DLGAP1: variants seen among roughly 807,000 people sequenced by gnomAD.
DLGAP1 encodes the protein disks large-associated protein 1.
Under a neutral mutation model 90.8 loss-of-function variants are expected in DLGAP1, and 11 were observed. That is an observed-to-expected ratio of 0.12 (90% CI 0.08 to 0.20). The LOEUF (loss-of-function observed/expected upper bound fraction) is 0.20, where lower values mean the gene tolerates loss of function less well. Among genes scored for constraint, DLGAP1 ranks in the 10% least tolerant of loss-of-function variants. The probability of loss-of-function intolerance (pLI) is 1.00; values close to 1 mark genes in which losing one functional copy is unlikely to be tolerated. For missense variants in DLGAP1, 1,050 were observed against 1,333.8 expected (o/e 0.79, Z 3.31); for synonymous variants, 558 against 540.7 (o/e 1.03, Z -0.44).
intron 1 of DLGAP1, among the ~76,000 whole-genome samples, chr18:4,423,770 A>G (rs2083090569): frequency 6.6e-6 from 1 of 151,210 alleles, no homozygotes; most frequent in Non-Finnish European, 1.5e-5. Flanking sequence ...GACAACATAT[A>G]TAGACATCCT....
chr18:3,850,580 C>G (rs771242085), intron 4 of DLGAP1, among the ~76,000 whole-genome samples: 2 of 152,112 alleles, frequency 1.3e-5, no homozygotes, highest in Non-Finnish European at 2.9e-5. Flanking sequence ...CAAAATCAAC[C>G]TGGGCATTCT....
intron 1 of DLGAP1, among the ~76,000 whole-genome samples, chr18:4,170,323 T>C (rs1180846272): frequency 1.3e-5 from 2 of 152,144 alleles, no homozygotes; most frequent in South Asian, 2.1e-4. Flanking sequence ...TTGAAAACTT[T>C]CCAGTGGTAG....
intron 3 of DLGAP1, among the ~76,000 whole-genome samples, chr18:3,964,125 T>A (rs1314279001): frequency 6.6e-6 from 1 of 152,154 alleles, no homozygotes; most frequent in Admixed American, 6.5e-5. Flanking sequence ...TGGATATGTA[T>A]ACACACTCCC....
chr18:4,015,934 G>A (rs2074516127), intron 2 of DLGAP1, among the ~76,000 whole-genome samples: 1 of 152,034 alleles, frequency 6.6e-6, no homozygotes, highest in African/African-American at 2.4e-5. Flanking sequence ...GATATATAAA[G>A]GTAAACAAAT....
intron 3 of DLGAP1, among the ~76,000 whole-genome samples, chr18:3,987,141 T>A (rs886478593): frequency 6.6e-6 from 1 of 152,114 alleles, no homozygotes; most frequent in African/African-American, 2.4e-5. Context: ...TTTATTTACC[T>A]CCCTAGGGTT....
At chr18:4,260,314 A>G (rs1397073544) in intron 1 of DLGAP1, among the ~76,000 whole-genome samples, 1 of 152,184 alleles carries the variant, frequency 6.6e-6, no homozygotes, top group East Asian at 1.9e-4. Flanking sequence ...GGCAAAGCAA[A>G]TATTTGAGGG....
chr18:4,308,266 T>G (rs2080312924), intron 1 of DLGAP1, among the ~76,000 whole-genome samples: 2 of 152,182 alleles, frequency 1.3e-5, no homozygotes, highest in Admixed American at 1.3e-4. Context: ...CTACCAAATA[T>G]CTGCAACCAT....
At chr18:3,618,831 C>T (rs1341386301) in intron 7 of DLGAP1, among the ~76,000 whole-genome samples, 2 of 149,092 alleles carry the variant, frequency 1.3e-5, no homozygotes, top group African/African-American at 4.9e-5. Flanking sequence ...CCCAGCTACT[C>T]GGGATGCTGA....
At chr18:4,311,258 C>T (rs1339059321) in intron 1 of DLGAP1, among the ~76,000 whole-genome samples, 1 of 151,932 alleles carries the variant, frequency 6.6e-6, no homozygotes, top group Non-Finnish European at 1.5e-5. Flanking sequence ...GATAGCTTGA[C>T]TTTGACAAAG....
Position 3,960,548 on chromosome 18 carries a change from C to T in DLGAP1, c.-73+44568G>A, listed in dbSNP as rs186638675. Among the ~76,000 whole-genome samples the T allele has an allele frequency of 3.5e-3, 528 of 152,174 alleles. 5 individuals are homozygous for T. Among genetic ancestry groups the T allele is most frequent in the African/African-American group, 0.013 (519 of 41,520 alleles). ...CTGCACTCCAGCCTGGGTGACAGAG[C>T]GGAGACCCCCATCTCTAAAAAAATA... On this transcript the variant is annotated intron_variant, in intron 3 of 12. Coordinates refer to ENST00000315677, the MANE Select transcript of DLGAP1 (RefSeq NM_004746.4).
At chr18:3,956,692 G>C (rs781296345) in intron 3 of DLGAP1, among the ~76,000 whole-genome samples, 2 of 151,982 alleles carry the variant, frequency 1.3e-5, no homozygotes, top group Non-Finnish European at 2.9e-5. Context: ...TGTCACCCAG[G>C]CTGGATGGAG....
intron 5 of DLGAP1, among the ~76,000 whole-genome samples, chr18:3,765,910 C>G (rs373675442): frequency 1.1e-4 from 16 of 152,058 alleles, no homozygotes; most frequent in Middle Eastern, 3.4e-3. Context: ...TTAAGTATCA[C>G]ATTGGAAGGT....
chr18:4,244,948 G>C (rs2078623180), intron 1 of DLGAP1, among the ~76,000 whole-genome samples: 1 of 151,788 alleles, frequency 6.6e-6, no homozygotes, highest in African/African-American at 2.4e-5. Flanking sequence ...TTTCTGAAGA[G>C]TTTGTAAGAT....
intron 7 of DLGAP1, among the ~76,000 whole-genome samples, chr18:3,641,466 G>A (rs530757166): frequency 6.6e-6 from 1 of 150,654 alleles, no homozygotes; most frequent in South Asian, 2.1e-4. Flanking sequence ...GAACCCGGGA[G>A]GAGGAGGTTG....
chr18:3,907,032 G>C (rs1006188915), intron 3 of DLGAP1, among the ~76,000 whole-genome samples: 3 of 152,172 alleles, frequency 2.0e-5, no homozygotes, highest in Admixed American at 1.3e-4. Flanking sequence ...AAGTAATCTA[G>C]AGATGATTTA....
chr18:3,592,844 A>G (rs1203519568), intron 7 of DLGAP1, among the ~76,000 whole-genome samples: 14 of 18,752 alleles, frequency 7.5e-4, no homozygotes, highest in African/African-American at 5.7e-3. Context: ...ACCCTGCCTC[A>G]AAAAAAAAAA....
At chr18:3,952,296 A>C (rs1455206841) in intron 3 of DLGAP1, among the ~76,000 whole-genome samples, 2 of 152,180 alleles carry the variant, frequency 1.3e-5, no homozygotes, top group Non-Finnish European at 2.9e-5. Context: ...AGTTCGCTTT[A>C]ATCTCCTTAG....
rs1169134376 is a variant in DLGAP1, at chr18:4,151,169, G to A, written c.-159+11C>T. The A allele has an allele frequency of 2.0e-5, 3 of 152,124 alleles. No individual in the cohort carries two copies. In the East Asian group the frequency reaches 5.8e-4, roughly 29 times the overall value. 9.4% of individuals were successfully genotyped at this position (152,124 alleles called of 1,614,324 possible). ...TCCTATACAAGTAAGGGGGAAAGGGGGCAGTTTTACCTTTGATTATCAATT... is the reference window on the plus strand; with the variant it reads ...TCCTATACAAGTAAGGGGGAAAGGGAGCAGTTTTACCTTTGATTATCAATT... On this transcript the variant is annotated intron_variant, in intron 2 of 12. Transcript: ENST00000315677.
intron 5 of DLGAP1, among the ~76,000 whole-genome samples, chr18:3,806,613 T>C (rs1319621446): frequency 1.3e-5 from 2 of 152,236 alleles, no homozygotes; most frequent in Non-Finnish European, 2.9e-5. Context: ...CTTTACCTCG[T>C]TGTCTGCACT....
Sources: allele counts gnomAD v4.1 joint callset (sites outside exome capture counted in the v4.1 genomes callset), GRCh38; gene constraint gnomAD v4.1.1; transcripts MANE v1.5; gene names NCBI Gene and HGNC (gene_info 2026-07-23, HGNC 2026-07-21).